The following RORB variants were observed in gnomAD, a reference collection of about 807,000 sequenced individuals.
RORB encodes the protein nuclear receptor ROR-beta.
Under a neutral mutation model 59.1 loss-of-function variants are expected in RORB, and 6 were observed. The observed-to-expected ratio is 0.10, with a 90% CI of 0.06 to 0.20. The LOEUF (loss-of-function observed/expected upper bound fraction) is 0.20, where lower values mean the gene tolerates loss of function less well. Among genes scored for constraint, RORB ranks in the 10% least tolerant of loss-of-function variants. RORB has a pLI of 1.00. For synonymous variants in RORB, 215 were observed against 204.5 expected, an observed-to-expected ratio of 1.05 and a Z score of -0.44; for missense variants, 320 against 560.5, an observed-to-expected ratio of 0.57 and a Z score of 4.33.
At position 74,685,882 on chromosome 9, in the gene RORB, G is replaced by A. The variant is rs1456718372; in HGVS notation, c.*264G>A. The A allele has an allele frequency of 4.1e-6, 1 of 243,074 alleles. No homozygotes were observed. Among genetic ancestry groups the A allele is most frequent in the Non-Finnish European group, 7.8e-6 (1 of 127,962 alleles). The allele number at this position is 243,074 out of a possible 1,614,324, so 15.1% of individuals were successfully genotyped here. A position where few individuals can be genotyped will look rare whatever the true frequency, so the allele number is the denominator to read the frequency against. On this transcript the variant is annotated 3_prime_UTR_variant, in exon 10 of 10. Transcript: ENST00000376896. ...GTTATCCTTTTTTTAATTTTATTCG[G>A]GTATGTTTTGGGAGACAACTGTTTA...
chr9:74,522,367 A>T (rs1826095665), intron 1 of RORB, among the ~76,000 whole-genome samples: 2 of 151,798 alleles, frequency 1.3e-5, no homozygotes, highest in African/African-American at 4.8e-5. Flanking sequence ...TGACATCAAA[A>T]TCTTACAAGC....
chr9:74,677,105 G>A (rs1587420019), intron 9 of RORB, among the ~76,000 whole-genome samples: 1 of 152,112 alleles, frequency 6.6e-6, no homozygotes, highest in Admixed American at 6.6e-5. Context: ...CCGCTAAGAA[G>A]CCAGACTTCT....
intron 1 of RORB, among the ~76,000 whole-genome samples, chr9:74,607,368 G>T (rs1391626934): frequency 6.6e-6 from 1 of 152,212 alleles, no homozygotes; most frequent in Non-Finnish European, 1.5e-5. Flanking sequence ...GTTCACCACT[G>T]AGTTGAGGAT....
chr9:74,575,137 G>A (rs1207907023), intron 1 of RORB, among the ~76,000 whole-genome samples: 1 of 152,140 alleles, frequency 6.6e-6, no homozygotes, highest in African/African-American at 2.4e-5. Flanking sequence ...GCCTCTCTCA[G>A]TAACAACTGC....
chr9:74,512,996 C>G (rs1046906321), intron 1 of RORB, among the ~76,000 whole-genome samples: 5 of 152,184 alleles, frequency 3.3e-5, no homozygotes, highest in Middle Eastern at 6.8e-3. Context: ...TTTTGCAAGT[C>G]AGGTAGTTTC....
At chr9:74,530,472 G>A (rs1826220954) in intron 1 of RORB, among the ~76,000 whole-genome samples, 2 of 152,074 alleles carry the variant, frequency 1.3e-5, no homozygotes, top group African/African-American at 2.4e-5. Context: ...TTTCTTGTCA[G>A]GTAGATCCAG....
chr9:74,657,777 G>C (rs927104873), intron 4 of RORB, among the ~76,000 whole-genome samples: 3 of 152,144 alleles, frequency 2.0e-5, no homozygotes, highest in African/African-American at 7.2e-5. Flanking sequence ...GACTGAAGCA[G>C]GTGGATCACT....
intron 9 of RORB, among the ~76,000 whole-genome samples, chr9:74,680,529 A>G (rs1471251353): frequency 6.6e-6 from 1 of 152,208 alleles, no homozygotes; most frequent in Admixed American, 6.5e-5. Context: ...TGCCCAGGGT[A>G]GAAAGTACAG....
chr9:74,537,100 C>T (rs1346568330), intron 1 of RORB, among the ~76,000 whole-genome samples: 2 of 152,084 alleles, frequency 1.3e-5, no homozygotes, highest in Non-Finnish European at 2.9e-5. Flanking sequence ...GTTATAGAGC[C>T]AGTTAAGAGC....
chr9:74,514,775 T>G (rs1405623292), intron 1 of RORB, among the ~76,000 whole-genome samples: 1 of 151,224 alleles, frequency 6.6e-6, no homozygotes, highest in South Asian at 2.1e-4. Context: ...GCCCTATTTC[T>G]AGAAGTACTA....
chr9:74,677,121 A>C (rs1042427518), intron 9 of RORB, among the ~76,000 whole-genome samples: 1 of 152,222 alleles, frequency 6.6e-6, no homozygotes, highest in African/African-American at 2.4e-5. Flanking sequence ...CTTCTCAAAA[A>C]GACATAATCC....
chr9:74,558,910 T>C (rs768806432), intron 1 of RORB, among the ~76,000 whole-genome samples: 4 of 152,212 alleles, frequency 2.6e-5, no homozygotes, highest in Non-Finnish European at 4.4e-5. Flanking sequence ...TTGAGTGCTA[T>C]ATTAAATATC....
chr9:74,585,007 T>G (rs879567234), intron 1 of RORB, among the ~76,000 whole-genome samples: 1 of 152,124 alleles, frequency 6.6e-6, no homozygotes, highest in African/African-American at 2.4e-5. Context: ...TGGGTCCCCA[T>G]CCCCCGTCCA....
At chr9:74,652,747 T>A (rs910557340) in intron 4 of RORB, among the ~76,000 whole-genome samples, 18 of 152,260 alleles carry the variant, frequency 1.2e-4, no homozygotes, top group African/African-American at 3.9e-4. Flanking sequence ...GTAAAGGAGA[T>A]TGAAAGCTAT....
chr9:74,566,658 G>T (rs1221043447), intron 1 of RORB, among the ~76,000 whole-genome samples: 1 of 152,162 alleles, frequency 6.6e-6, no homozygotes, highest in Admixed American at 6.5e-5. Flanking sequence ...TTAGCTGGGT[G>T]TGGTGGCATG....
At chr9:74,568,596 A>G (rs556723619) in intron 1 of RORB, among the ~76,000 whole-genome samples, 126 of 150,860 alleles carry the variant, frequency 8.4e-4, no homozygotes, top group African/African-American at 2.8e-3. Context: ...GCTACTCGGG[A>G]GGCTGAGGCA....
intron 1 of RORB, among the ~76,000 whole-genome samples, chr9:74,521,184 TA>T (rs1203087128): frequency 1.3e-5 from 2 of 151,906 alleles, no homozygotes; most frequent in African/African-American, 4.8e-5. Flanking sequence ...ATGTTTCACT[TA>T]AGGGTCTAAT....
intron 4 of RORB, among the ~76,000 whole-genome samples, chr9:74,657,921 C>T (rs1158735231): frequency 7.0e-6 from 1 of 141,912 alleles, no homozygotes; most frequent in African/African-American, 2.7e-5. Flanking sequence ...ATGAGAATCA[C>T]TTGAACCTGG....
intron 1 of RORB, among the ~76,000 whole-genome samples, chr9:74,628,618 A>T (rs1274901845): frequency 5.9e-5 from 9 of 152,328 alleles, no homozygotes; most frequent in Admixed American, 3.9e-4. Context: ...TGTCTTTTTT[A>T]AAAAATGTAA....
Sources: gnomAD v4.1 joint callset for allele counts (sites outside exome capture counted in the v4.1 genomes callset) on GRCh38, gnomAD v4.1.1 for gene constraint, MANE v1.5 for transcripts, NCBI Gene and HGNC (gene_info 2026-07-23, HGNC 2026-07-21) for gene names.